The following LARGE1 variants were observed in gnomAD, a reference collection of about 807,000 sequenced individuals.
LARGE1 encodes the protein LARGE xylosyl- and glucuronyltransferase 1, also known as xylosyl- and glucuronyltransferase LARGE1.
LARGE1 carries 43 observed loss-of-function variants against 87.6 expected under a neutral mutation model. The ratio of observed to expected loss-of-function variants is 0.49; its 90% CI spans 0.38 to 0.63. LARGE1 has a LOEUF of 0.63. LARGE1 is among the 30% of genes least tolerant of loss of function. The pLI is 0.00. For synonymous variants in LARGE1, 434 were observed against 394.6 expected (o/e 1.10, Z -1.18); for missense variants, 802 against 1,000.2 (o/e 0.80, Z 2.67).
chr22:33,342,876 C>T (rs1939318366), intron 9 of LARGE1, among the ~76,000 whole-genome samples: 2 of 152,164 alleles, frequency 1.3e-5, no homozygotes, highest in African/African-American at 2.4e-5. Context: ...TCGGCAAGCC[C>T]ATCCAAAAAT....
In LARGE1 at chr22:33,756,632, T is replaced by C. The variant is rs374112387; in HGVS notation, c.106+4739A>G. 4.1e-4 allele frequency among the ~76,000 whole-genome samples: 62 copies of C among 152,196 alleles called. 1 individual carries two copies. Among genetic ancestry groups the C allele is most frequent in the African/African-American group, 1.4e-3 (59 of 41,528 alleles). The stretch of plus-strand genomic sequence containing the variant: ...CGATGTACACCAGGACTTAAAAGAA[T>C]CTGGCGTGGCTGGGTAGAGGATGCC... On this transcript the variant is annotated intron_variant, in intron 2 of 14. Transcript: ENST00000397394.
chr22:33,518,265 A>G (rs910139007), intron 6 of LARGE1, among the ~76,000 whole-genome samples: 1 of 152,246 alleles, frequency 6.6e-6, no homozygotes, highest in Non-Finnish European at 1.5e-5. Context: ...AGAAAATTGA[A>G]TCCCAAACAG....
At position 33,471,762 on chromosome 22, in the gene LARGE1, C is replaced by T. The variant is rs149994752; in HGVS notation, c.788-39497G>A. Among the ~76,000 whole-genome samples, 521 of 152,172 alleles carry T rather than the reference C, an allele frequency of 3.4e-3. 3 individuals are homozygous for T. Among genetic ancestry groups the T allele is most frequent in the South Asian group, 0.021 (102 of 4,814 alleles). On this transcript the variant is annotated intron_variant, in intron 6 of 14. Coordinates refer to ENST00000397394, the MANE Select transcript of LARGE1 (RefSeq NM_133642.5). ...AAAGATAAGTGGGAGAGGCCAGGCG[C>T]GGTGGCTCACCCCTGTAATCCCAGC... is the stretch of plus-strand genomic sequence containing the variant.
chr22:33,322,111 G>C (rs192751335), intron 10 of LARGE1, among the ~76,000 whole-genome samples: 4 of 152,140 alleles, frequency 2.6e-5, no homozygotes, highest in Non-Finnish European at 5.9e-5. Context: ...GAGCTACTGC[G>C]TCTGGCCTCT....
At chr22:33,420,788 C>G (rs545240079) in intron 7 of LARGE1, among the ~76,000 whole-genome samples, 4 of 152,146 alleles carry the variant, frequency 2.6e-5, no homozygotes, top group Non-Finnish European at 5.9e-5. Flanking sequence ...ATGGTCAGCC[C>G]TGGGAGAATG....
rs143144821 is a variant in LARGE1, at chr22:33,289,418, C to T, written c.1731-6070G>A. 2.8e-3 allele frequency among the ~76,000 whole-genome samples: 428 copies of T among 152,332 alleles called. 4 individuals are homozygous for T. The highest frequency in any genetic ancestry group is 9.6e-3 in the African/African-American group (399 of 41,576). On this transcript the variant is annotated intron_variant, in intron 12 of 14. Coordinates refer to ENST00000397394, the MANE Select transcript of LARGE1 (RefSeq NM_133642.5). ...AGGCCCATTCTGCAACCTCTCCCAACCACAGGTTCCCCATCTTAAATGGAG... is the reference window on the plus strand; with the variant it reads ...AGGCCCATTCTGCAACCTCTCCCAATCACAGGTTCCCCATCTTAAATGGAG...
chr22:33,127,046 G>C, the LARGE1 span, among the ~76,000 whole-genome samples: 1 of 152,210 alleles, frequency 6.6e-6, no homozygotes. Context: ...TTTAGGTCCT[G>C]AAGCTGCTTG....
At chr22:33,089,295 C>CT in the LARGE1 span, among the ~76,000 whole-genome samples, 2 of 150,464 alleles carry the variant, frequency 1.3e-5, no homozygotes, top group African/African-American at 5.0e-5. Context: ...TCTTCTTCTT[C>CT]TTCTTCCTCT....
intron 1 of LARGE1, among the ~76,000 whole-genome samples, chr22:33,762,880 C>T (rs1407798611): frequency 6.6e-6 from 1 of 152,204 alleles, no homozygotes; most frequent in Non-Finnish European, 1.5e-5. Flanking sequence ...GAAAGATAAA[C>T]CCACATGGTG....
chr22:33,716,234 T>C (rs1426597445), intron 2 of LARGE1, among the ~76,000 whole-genome samples: 1 of 152,204 alleles, frequency 6.6e-6, no homozygotes, highest in African/African-American at 2.4e-5. Context: ...AATAAATTTT[T>C]TGCATAAACA....
chr22:33,336,945 C>T (rs560004348), intron 10 of LARGE1, among the ~76,000 whole-genome samples: 1 of 151,440 alleles, frequency 6.6e-6, no homozygotes, highest in Non-Finnish European at 1.5e-5. Flanking sequence ...CCTGTAATCC[C>T]AATTACTTGG....
At chr22:33,810,392 G>A (rs2086455355) in intron 1 of LARGE1, among the ~76,000 whole-genome samples, 3 of 152,246 alleles carry the variant, frequency 2.0e-5, no homozygotes, top group East Asian at 3.9e-4. Context: ...CTCCCCAGAA[G>A]CAAATTACAT....
At chr22:33,775,231 C>T (rs993107131) in intron 1 of LARGE1, among the ~76,000 whole-genome samples, 1 of 152,176 alleles carries the variant, frequency 6.6e-6, no homozygotes, top group Non-Finnish European at 1.5e-5. Context: ...GGGAATAACC[C>T]CAAGATTTCC....
the LARGE1 span, among the ~76,000 whole-genome samples, chr22:33,150,906 G>C: frequency 1.3e-5 from 2 of 151,738 alleles, no homozygotes; most frequent in African/African-American, 2.4e-5. Flanking sequence ...ATTTTTTTTA[G>C]TCAAAATTGT....
intron 1 of LARGE1, among the ~76,000 whole-genome samples, chr22:33,833,426 GAGATAA>G (rs2146349454): frequency 6.6e-6 from 1 of 152,236 alleles, no homozygotes; most frequent in South Asian, 2.1e-4. Context: ...ATAAGAAGAG[GAGATAA>G]GGATACAACA....
chr22:33,802,256 C>T (rs1392406045), intron 1 of LARGE1, among the ~76,000 whole-genome samples: 1 of 152,212 alleles, frequency 6.6e-6, no homozygotes, highest in African/African-American at 2.4e-5. Context: ...CACTTATTCC[C>T]ACTGCAAATG....
intron 1 of LARGE1, among the ~76,000 whole-genome samples, chr22:33,802,046 AAG>A (rs1491082878): frequency 6.6e-6 from 1 of 152,066 alleles, no homozygotes; most frequent in African/African-American, 2.4e-5. Flanking sequence ...AAAAAAAAAA[AAG>A]AGGGGTTAAC....
At chr22:33,413,538 C>A (rs2066385394) in intron 7 of LARGE1, among the ~76,000 whole-genome samples, 1 of 151,952 alleles carries the variant, frequency 6.6e-6, no homozygotes, top group Non-Finnish European at 1.5e-5. Flanking sequence ...GATCTTGGCT[C>A]ACTGCAACCT....
At chr22:33,167,786 C>G (rs891739837) in intron 11 of LARGE1, among the ~76,000 whole-genome samples, 1 of 152,168 alleles carries the variant, frequency 6.6e-6, no homozygotes, top group African/African-American at 2.4e-5. Context: ...TCCAGCTAAG[C>G]CTTGGAGTAC....
Sources: gnomAD v4.1 joint callset for allele counts (sites outside exome capture counted in the v4.1 genomes callset) on GRCh38, gnomAD v4.1.1 for gene constraint, MANE v1.5 for transcripts, NCBI Gene and HGNC (gene_info 2026-07-23, HGNC 2026-07-21) for gene names.